TMEM117: variants seen among roughly 807,000 people sequenced by gnomAD.
TMEM117 encodes transmembrane protein 117.
TMEM117 carries 27 observed loss-of-function variants against 52.4 expected under a neutral mutation model. That is an observed-to-expected ratio of 0.51 (90% CI 0.38 to 0.71). TMEM117 has a LOEUF of 0.71. TMEM117 is among the 30% of genes least tolerant of loss of function. The pLI is 0.00. For synonymous variants in TMEM117, 215 were observed against 206.3 expected, an observed-to-expected ratio of 1.04 and a Z score of -0.36; for missense variants, 556 against 630.5, an observed-to-expected ratio of 0.88 and a Z score of 1.26.
intron 1 of TMEM117, among the ~76,000 whole-genome samples, chr12:43,838,191 C>T (rs1436503749): frequency 1.3e-5 from 2 of 152,046 alleles, no homozygotes; most frequent in Non-Finnish European, 2.9e-5. Flanking sequence ...TCTTTTCCTG[C>T]CTTTTTATCT....
chr12:44,117,159 A>T (rs1290005345), intron 3 of TMEM117, among the ~76,000 whole-genome samples: 1 of 152,096 alleles, frequency 6.6e-6, no homozygotes, highest in East Asian at 1.9e-4. Flanking sequence ...TTTTGACTTC[A>T]GTTTCAGCAT....
intron 6 of TMEM117, among the ~76,000 whole-genome samples, chr12:44,303,020 C>T (rs1726887): frequency 0.026 from 3,878 of 151,918 alleles, 159 homozygotes; most frequent in African/African-American, 0.084. Context: ...TAGGAAAATT[C>T]CACTTATACT....
chr12:43,802,489 A>T, the TMEM117 span: 2 of 1,565,172 alleles, frequency 1.3e-6, no homozygotes, highest in Non-Finnish European at 1.8e-6. Flanking sequence ...TTTTAGAAAG[A>T]TAGGTAAATG....
intron 3 of TMEM117, among the ~76,000 whole-genome samples, chr12:44,025,527 A>T (rs1946519760): frequency 1.3e-5 from 2 of 152,190 alleles, no homozygotes; most frequent in African/African-American, 4.8e-5. Flanking sequence ...GAATGTAGAG[A>T]TCTATTCCTC....
intron 6 of TMEM117, 73 bp downstream of exon 6, chr12:44,299,812 A>G: frequency 1.3e-6 from 2 of 1,536,538 alleles, no homozygotes; most frequent in Middle Eastern, 3.5e-4. Context: ...GGATATGGCA[A>G]CAGGCTCCAT....
At chr12:43,837,171 A>T (rs1426939349) in intron 1 of TMEM117, among the ~76,000 whole-genome samples, 3 of 151,794 alleles carry the variant, frequency 2.0e-5, no homozygotes, top group African/African-American at 7.3e-5. Flanking sequence ...CTCCTATTCC[A>T]CCCTCCATCT....
At chr12:43,857,325 T>A (rs1036751907) in intron 2 of TMEM117, among the ~76,000 whole-genome samples, 33 of 150,676 alleles carry the variant, frequency 2.2e-4, no homozygotes, top group African/African-American at 7.9e-4. Context: ...TTTTTTTTTT[T>A]TTATTGTACT....
chr12:44,339,140 C>T (rs1452636302), intron 6 of TMEM117, among the ~76,000 whole-genome samples: 1 of 152,050 alleles, frequency 6.6e-6, no homozygotes, highest in African/African-American at 2.4e-5. Context: ...GTTAAGAAAA[C>T]TCCAGAAACT....
At chr12:43,927,893 T>A (rs1944805767) in intron 2 of TMEM117, among the ~76,000 whole-genome samples, 1 of 152,088 alleles carries the variant, frequency 6.6e-6, no homozygotes, top group South Asian at 2.1e-4. Context: ...ACTGGCAAGA[T>A]CAATATATTG....
chr12:44,055,374 C>T (rs1478181159), intron 3 of TMEM117, among the ~76,000 whole-genome samples: 1 of 152,022 alleles, frequency 6.6e-6, no homozygotes, highest in East Asian at 1.9e-4. Flanking sequence ...AACAGTTACC[C>T]AGGAAATGTT....
intron 2 of TMEM117, among the ~76,000 whole-genome samples, chr12:43,909,961 A>G (rs2137529061): frequency 7.4e-6 from 1 of 134,280 alleles, no homozygotes; most frequent in East Asian, 2.2e-4. Context: ...TCCAATCAAT[A>G]GAAAAAGAGG....
chr12:44,207,857 G>T (rs1385401087), intron 4 of TMEM117, among the ~76,000 whole-genome samples: 1 of 151,724 alleles, frequency 6.6e-6, no homozygotes, highest in African/African-American at 2.4e-5. Context: ...CAGGCAGGCT[G>T]GCTCTGGAAA....
Position 44,129,583 on chromosome 12 carries a change from T to C in TMEM117, c.411-13942T>C, listed in dbSNP as rs537489483. Among the ~76,000 whole-genome samples, 3 of 152,330 alleles carry C rather than the reference T, an allele frequency of 2.0e-5. No individual in the cohort carries two copies. The South Asian group carries it at 6.2e-4, about 32-fold the overall frequency. On this transcript the variant is annotated intron_variant, in intron 3 of 7. Coordinates refer to ENST00000266534, the MANE Select transcript of TMEM117 (RefSeq NM_032256.3). ...AGGGAACATTTGCTTCGAGGTGACT[T>C]CCTGCCTCCCTGTCTTGAAATAAAT...
intron 7 of TMEM117, among the ~76,000 whole-genome samples, chr12:44,380,092 G>A (rs751855786): frequency 1.3e-5 from 2 of 152,210 alleles, no homozygotes; most frequent in South Asian, 4.1e-4. Context: ...GCTGCTGAGA[G>A]ACATTTTCTA....
chr12:43,975,788 C>G (rs1334508522), intron 3 of TMEM117, among the ~76,000 whole-genome samples: 3 of 152,184 alleles, frequency 2.0e-5, no homozygotes, highest in Non-Finnish European at 4.4e-5. Context: ...CAAAGGTGAT[C>G]TTTGCTGGAA....
chr12:44,279,649 G>A (rs1179289242), intron 5 of TMEM117, among the ~76,000 whole-genome samples: 1 of 151,896 alleles, frequency 6.6e-6, no homozygotes, highest in Non-Finnish European at 1.5e-5. Context: ...GAGAAGCTGA[G>A]ATTACAGGCG....
At chr12:44,253,196 G>A (rs1321459916) in intron 5 of TMEM117, among the ~76,000 whole-genome samples, 1 of 152,154 alleles carries the variant, frequency 6.6e-6, no homozygotes, top group Non-Finnish European at 1.5e-5. Flanking sequence ...TAGGGGGAGT[G>A]TGTGTGGGAG....
intron 3 of TMEM117, among the ~76,000 whole-genome samples, chr12:44,141,232 G>A (rs536999602): frequency 1.1e-3 from 172 of 151,990 alleles, no homozygotes; most frequent in Non-Finnish European, 2.2e-3. Context: ...GACATTTTTT[G>A]CATTTTTAAA....
intron 4 of TMEM117, among the ~76,000 whole-genome samples, chr12:44,160,573 G>A (rs1048857152): frequency 2.6e-5 from 4 of 152,166 alleles, no homozygotes; most frequent in Non-Finnish European, 5.9e-5. Flanking sequence ...GGAGGCTGAG[G>A]TGGGAGGATT....
Sources: gnomAD v4.1 joint callset for allele counts (sites outside exome capture counted in the v4.1 genomes callset) on GRCh38, gnomAD v4.1.1 for gene constraint, MANE v1.5 for transcripts, NCBI Gene and HGNC (gene_info 2026-07-23, HGNC 2026-07-21) for gene names.